Variants in CORO2A observed in about 807,000 individuals in gnomAD.
The protein encoded by CORO2A is coronin 2A, also known as coronin-2A.
In CORO2A, 47 loss-of-function variants were observed where a neutral mutation model predicts 62.4. The observed-to-expected ratio is 0.75, with a 90% CI of 0.60 to 0.96. CORO2A has a LOEUF of 0.96. Among genes scored for constraint, CORO2A ranks in the 40% least tolerant of loss-of-function variants. The pLI, the probability that CORO2A is intolerant of heterozygous loss-of-function variation, is 0.00. For missense variants in CORO2A, 610 were observed against 684.1 expected (o/e 0.89, Z 1.21); for synonymous variants, 273 against 268.9 (o/e 1.02, Z -0.15).
At chr9:98,177,457 G>GTTTTTTTTTTTT (rs1174402008) in intron 1 of CORO2A, among the ~76,000 whole-genome samples, 2 of 98,346 alleles carry the variant, frequency 2.0e-5, no homozygotes, top group Admixed American at 1.2e-4. Context: ...TCCAAACTTT[G>GTTTTTTTTTTTT]TTTTTTTTTT....
chr9:98,184,381 C>A (rs186588809), intron 1 of CORO2A, among the ~76,000 whole-genome samples: 1 of 152,292 alleles, frequency 6.6e-6, no homozygotes, highest in East Asian at 1.9e-4. Context: ...AAACAAAATT[C>A]TACCACCTAG....
chr9:98,159,987 A>G (rs968448388), intron 1 of CORO2A, among the ~76,000 whole-genome samples: 1 of 152,196 alleles, frequency 6.6e-6, no homozygotes, highest in Non-Finnish European at 1.5e-5. Flanking sequence ...GAACGAGATT[A>G]CACTGTGTGA....
rs778762457 is a variant in CORO2A at position 98,133,112 on chromosome 9, C to T, written c.574G>A (p.Gly192Ser). The change falls in exon 5 of 12, where the codon GGC becomes AGC. Residue 192 changes from glycine (G) to serine (S), a missense_variant. Physicochemically the swap from Gly to Ser is moderately conservative, Grantham distance 56 (BLOSUM62 0). Coordinates refer to ENST00000375077, the MANE Select transcript of CORO2A (RefSeq NM_052820.4). ...VILSMSFNTN[G>S]SLLATTCKDR... ...TTGCAGGTGGTGGCCAACAGGCTGC[C>T]GTTGGTGTTGAAGGACATGGAGAGG... 3.1e-6 allele frequency: 5 copies of T among 1,614,168 alleles called. No individual in the cohort carries two copies. The highest frequency in any genetic ancestry group is 1.3e-5 in the African/African-American group (1 of 75,048).
At chr9:98,131,545 G>A (rs1478019421) in intron 6 of CORO2A, among the ~76,000 whole-genome samples, 4 of 151,924 alleles carry the variant, frequency 2.6e-5, no homozygotes, top group South Asian at 4.2e-4. Context: ...TCTCGAATTC[G>A]TGGCCTCAAG....
At chr9:98,129,696 TC>T in intron 8 of CORO2A, 97 bp downstream of exon 8, 1 of 883,192 alleles carries the variant, frequency 1.1e-6, no homozygotes, top group Non-Finnish European at 1.9e-6. Context: ...CATCCCTGTC[TC>T]CCCAGACCCC....
At position 98,128,172 on chromosome 9, in the gene CORO2A, C is replaced by G. The variant is rs201111862; in HGVS notation, c.1169G>C (p.Arg390Pro). Residue 390 changes from arginine to proline, a missense_variant and splice_region_variant, in exon 10 of 12, where the codon CGA becomes CCA. By Grantham distance (103) the Arg-to-Pro change is moderately radical (BLOSUM62 -2). Coordinates refer to ENST00000375077, the MANE Select transcript of CORO2A (RefSeq NM_052820.4). Reference protein sequence around the residue: ...TAQEWLSGMNRDPILVSLRPG... With the variant: ...TAQEWLSGMNPDPILVSLRPG... ...GGCCTCTTCTCTGCCTTCCTCACCT[C>G]GATTCATCCCGCTGAGCCACTCCTG... 1.6e-5 allele frequency: 26 copies of G among 1,612,130 alleles called. No individual in the cohort carries two copies. Among genetic ancestry groups the G allele is most frequent in the Non-Finnish European group, 2.2e-5 (26 of 1,178,702 alleles).
At chr9:98,150,056 C>T (rs145145753) in intron 2 of CORO2A, among the ~76,000 whole-genome samples, 2,032 of 151,982 alleles carry the variant, frequency 0.013, 46 homozygotes, top group African/African-American at 0.046. Flanking sequence ...CTCAGCCTCC[C>T]GAATAGTTGG....
At chr9:98,159,214 A>G (rs575975387) in intron 1 of CORO2A, among the ~76,000 whole-genome samples, 1 of 152,210 alleles carries the variant, frequency 6.6e-6, no homozygotes, top group South Asian at 2.1e-4. Flanking sequence ...ACATGCCACC[A>G]TACCTGGCTA....
chr9:98,179,202 T>C (rs891445681), intron 1 of CORO2A, among the ~76,000 whole-genome samples: 5 of 152,232 alleles, frequency 3.3e-5, no homozygotes, highest in Admixed American at 3.3e-4. Flanking sequence ...AAGAAACCCT[T>C]CCCTAGGCTC....
At chr9:98,139,458 C>A (rs982519381) in intron 2 of CORO2A, among the ~76,000 whole-genome samples, 3 of 152,164 alleles carry the variant, frequency 2.0e-5, no homozygotes, top group South Asian at 2.1e-4. Context: ...TGAAACCCCA[C>A]CTCTACTAAA....
chr9:98,137,432 A>T, intron 3 of CORO2A, 140 bp downstream of exon 3: 1 of 718,398 alleles, frequency 1.4e-6, no homozygotes, highest in Non-Finnish European at 2.5e-6. Flanking sequence ...CCTCTACCTT[A>T]ACTTAACACC....
In CORO2A at chr9:98,124,690, C is replaced by A; in HGVS notation, c.*84G>T. 1 of 1,314,852 alleles carries A rather than the reference C, an allele frequency of 7.6e-7. No individual in the cohort carries two copies. The highest frequency in any genetic ancestry group is 1.0e-6 in the Non-Finnish European group (1 of 994,336). 81.4% of individuals were successfully genotyped at this position (1,314,852 alleles called of 1,614,324 possible). A position where few individuals can be genotyped will look rare whatever the true frequency, so the allele number is the denominator to read the frequency against. ...AAAAAATATAGAAATAGTGGTTGTC[C>A]TTGAGGGGACTTGTGGTTTGGTTCT... is the stretch of plus-strand genomic sequence containing the variant. On this transcript the variant is annotated 3_prime_UTR_variant, in exon 12 of 12. Coordinates refer to ENST00000375077, the MANE Select transcript of CORO2A (RefSeq NM_052820.4).
chr9:98,155,342 A>ATTTTTTTTTTTTTTTT (rs11379239), intron 2 of CORO2A, among the ~76,000 whole-genome samples: 3 of 101,864 alleles, frequency 2.9e-5, no homozygotes, highest in African/African-American at 3.9e-5. Flanking sequence ...TTATTGCTCA[A>ATTTTTTTTTTTTTTTT]TTTTTTTTTT....
intron 6 of CORO2A, among the ~76,000 whole-genome samples, 159 bp downstream of exon 6, chr9:98,132,026 G>A: frequency 6.6e-6 from 1 of 152,196 alleles, no homozygotes. Context: ...GCCCGGGGCT[G>A]TCAGCATCTC....
At chr9:98,155,342 ATTTTTTTT>A (rs11379239) in intron 2 of CORO2A, among the ~76,000 whole-genome samples, 212 of 101,874 alleles carry the variant, frequency 2.1e-3, no homozygotes, top group Middle Eastern at 6.3e-3. Context: ...TTATTGCTCA[ATTTTTTTT>A]TTTTTTTTTT....
chr9:98,186,487 C>T (rs1019263014), intron 1 of CORO2A, among the ~76,000 whole-genome samples: 6 of 151,952 alleles, frequency 3.9e-5, no homozygotes, highest in Admixed American at 6.6e-5. Flanking sequence ...AATGATAGTA[C>T]AAAAAAGACT....
chr9:98,127,817 CAAAAAAAAAAAAA>C (rs11342322), intron 10 of CORO2A, among the ~76,000 whole-genome samples: 3 of 49,008 alleles, frequency 6.1e-5, no homozygotes, highest in African/African-American at 8.4e-5. Flanking sequence ...GACTCTGTCT[CAAAAAAAAAAAAA>C]AAAAAAAAAA....
chr9:98,127,349 G>A (rs924364423), intron 10 of CORO2A, among the ~76,000 whole-genome samples: 8 of 152,188 alleles, frequency 5.3e-5, no homozygotes, highest in African/African-American at 1.9e-4. Flanking sequence ...CCACTGGGGT[G>A]GGGGTGAAGG....
rs369479570 is a variant in CORO2A, at chr9:98,130,936, C to T, written c.870+19G>A. 1.2e-6 allele frequency: 2 copies of T among 1,605,026 alleles called. No homozygotes were observed. Among genetic ancestry groups the T allele is most frequent in the African/African-American group, 2.7e-5 (2 of 74,824 alleles). On this transcript the variant is annotated intron_variant, in intron 7 of 11. Transcript: ENST00000375077. Reference sequence around the variant, plus strand: ...TCTCAGGGGTCCAGGAGGTCACCTCCCTCCCGTGCCAAGCCGACCTTCCCC... The same window carrying T: ...TCTCAGGGGTCCAGGAGGTCACCTCTCTCCCGTGCCAAGCCGACCTTCCCC...
Sources: gnomAD v4.1 joint callset for allele counts (sites outside exome capture counted in the v4.1 genomes callset) on GRCh38, gnomAD v4.1.1 for gene constraint, MANE v1.5 for transcripts, NCBI Gene and HGNC (gene_info 2026-07-23, HGNC 2026-07-21) for gene names.